The following SOX5 variants were observed in gnomAD, a reference collection of about 807,000 sequenced individuals.
SOX5 encodes SRY-box transcription factor 5, also known as transcription factor SOX-5.
A neutral mutation model predicts 92.0 loss-of-function variants in SOX5; 9 were observed. That is an observed-to-expected ratio of 0.10 (90% confidence interval 0.06 to 0.17). The LOEUF (loss-of-function observed/expected upper bound fraction) is 0.17, where lower values mean the gene tolerates loss of function less well. Ranked by LOEUF, SOX5 falls within the 10% of genes least tolerant of loss-of-function variation. The probability of loss-of-function intolerance (pLI) is 1.00; values close to 1 mark genes in which losing one functional copy is unlikely to be tolerated. For synonymous variants in SOX5, 344 were observed against 336.3 expected (o/e 1.02, Z -0.25); for missense variants, 642 against 944.5 (o/e 0.68, Z 4.20).
intron 11 of SOX5, 116 bp downstream of exon 11, chr12:23,563,142 A>G: frequency 1.2e-6 from 1 of 859,052 alleles, no homozygotes; most frequent in Non-Finnish European, 1.8e-6. Context: ...TGGAGGGAGA[A>G]AAGGGACAGA....
chr12:23,602,909 G>T (rs1169899779), intron 9 of SOX5, among the ~76,000 whole-genome samples: 2 of 151,952 alleles, frequency 1.3e-5, no homozygotes, highest in African/African-American at 4.8e-5. Flanking sequence ...AGCAGACCAG[G>T]CCTTAGATAT....
chr12:24,353,264 C>T (rs1281676791), intron 2 of SOX5, among the ~76,000 whole-genome samples: 1 of 152,152 alleles, frequency 6.6e-6, no homozygotes, highest in Non-Finnish European at 1.5e-5. Flanking sequence ...GAGGTGTGTA[C>T]CCTCTATGGA....
chr12:23,720,021 C>T (rs1477666042), intron 6 of SOX5, among the ~76,000 whole-genome samples: 6 of 152,098 alleles, frequency 3.9e-5, no homozygotes, highest in Admixed American at 3.9e-4. Flanking sequence ...AGTATTTATA[C>T]ACCTCAAGAT....
chr12:23,833,178 G>A (rs1409412064), intron 3 of SOX5, among the ~76,000 whole-genome samples: 2 of 152,074 alleles, frequency 1.3e-5, no homozygotes, highest in East Asian at 3.9e-4. Flanking sequence ...TGGAAACTCT[G>A]CTACCTCTGA....
intron 1 of SOX5, among the ~76,000 whole-genome samples, chr12:24,539,981 T>C (rs1286812435): frequency 6.6e-6 from 1 of 152,114 alleles, no homozygotes; most frequent in East Asian, 1.9e-4. Flanking sequence ...CAATTATTTA[T>C]ATGAAGAGGT....
chr12:23,824,854 A>T (rs2096198586), intron 3 of SOX5, among the ~76,000 whole-genome samples: 1 of 152,220 alleles, frequency 6.6e-6, no homozygotes, highest in South Asian at 2.1e-4. Context: ...GGCTCTGCCC[A>T]GTCTGAATTT....
At chr12:24,407,623 G>C (rs1025021768) in intron 1 of SOX5, 9 of 152,178 alleles carry the variant, frequency 5.9e-5, no homozygotes, top group Admixed American at 2.0e-4. Context: ...TACGGAGATG[G>C]GGTTGACTGT....
intron 7 of SOX5, among the ~76,000 whole-genome samples, chr12:23,643,082 G>T (rs1304117489): frequency 1.9e-5 from 1 of 51,388 alleles, no homozygotes; most frequent in African/African-American, 8.3e-5. Context: ...GCGAGACTCC[G>T]TCTCAAAAAA....
chr12:23,639,582 T>C (rs2079761426), intron 8 of SOX5, among the ~76,000 whole-genome samples: 1 of 152,202 alleles, frequency 6.6e-6, no homozygotes, highest in Admixed American at 6.5e-5. Flanking sequence ...GGGTAACAAA[T>C]GTTATGTTAC....
At chr12:24,016,319 G>A (rs972599179) in intron 4 of SOX5, among the ~76,000 whole-genome samples, 19 of 151,992 alleles carry the variant, frequency 1.3e-4, no homozygotes, top group African/African-American at 2.2e-4. Context: ...CTAACCAATC[G>A]GGAAAAAAAA....
At chr12:23,663,231 A>G (rs933060943) in intron 7 of SOX5, among the ~76,000 whole-genome samples, 7 of 152,232 alleles carry the variant, frequency 4.6e-5, no homozygotes, top group Non-Finnish European at 8.8e-5. Context: ...GCTTGCCAGC[A>G]GCTGTAAAGG....
At chr12:24,117,199 A>G (rs887726784) in intron 4 of SOX5, among the ~76,000 whole-genome samples, 1 of 152,190 alleles carries the variant, frequency 6.6e-6, no homozygotes, top group Non-Finnish European at 1.5e-5. Context: ...TGGCCAATAG[A>G]CATGTTTAAA....
intron 3 of SOX5, among the ~76,000 whole-genome samples, chr12:24,236,348 C>A (rs1964511961): frequency 6.6e-6 from 1 of 152,152 alleles, no homozygotes; most frequent in Admixed American, 6.6e-5. Flanking sequence ...CCACTACATT[C>A]ATCAATCAGA....
At chr12:24,091,507 G>A (rs1692092203) in intron 4 of SOX5, among the ~76,000 whole-genome samples, 2 of 141,396 alleles carry the variant, frequency 1.4e-5, no homozygotes, top group Admixed American at 7.8e-5. Context: ...TCGGCTCACT[G>A]CAACCTCTAC....
chr12:24,207,883 G>A (rs961789712), intron 4 of SOX5, among the ~76,000 whole-genome samples: 3 of 152,082 alleles, frequency 2.0e-5, no homozygotes, highest in Non-Finnish European at 2.9e-5. Context: ...CTCCAATGTG[G>A]AATACTTACT....
chr12:24,364,861 CA>C (rs1232543524), intron 2 of SOX5, among the ~76,000 whole-genome samples: 2 of 151,910 alleles, frequency 1.3e-5, no homozygotes, highest in Non-Finnish European at 2.9e-5. Flanking sequence ...TCAGTCGAAG[CA>C]AGAACTGGTG....
At chr12:24,135,581 A>G (rs1032989085) in intron 4 of SOX5, among the ~76,000 whole-genome samples, 6 of 152,260 alleles carry the variant, frequency 3.9e-5, no homozygotes. Flanking sequence ...AAGTCCTACT[A>G]TCTTAGAGAT....
chr12:24,282,531 CA>C (rs5797074), intron 2 of SOX5, among the ~76,000 whole-genome samples: 138,182 of 146,496 alleles, frequency 0.94, 65,600 homozygotes, highest in East Asian at 1. Context: ...AAACTAGAAA[CA>C]AAAAAAAAAA....
upstream of SOX5, among the ~76,000 whole-genome samples, chr12:23,954,985 T>C (rs73283607): frequency 8.6e-3 from 1,316 of 152,210 alleles, 17 homozygotes; most frequent in African/African-American, 0.029. Flanking sequence ...ATATGATACA[T>C]AATAAAAGCC....
Sources: gnomAD v4.1 joint callset for allele counts (sites outside exome capture counted in the v4.1 genomes callset) on GRCh38, gnomAD v4.1.1 for gene constraint, MANE v1.5 for transcripts, NCBI Gene and HGNC (gene_info 2026-07-23, HGNC 2026-07-21) for gene names.